The following NBPF20 variants were observed in gnomAD, a reference collection of about 807,000 sequenced individuals.
NBPF20 encodes the protein NBPF family member NBPF20.
NBPF20 carries 90 observed loss-of-function variants against 68.1 expected under a neutral mutation model. The observed-to-expected ratio is 1.32, with a 90% confidence interval of 1.11 to 1.58. The LOEUF (loss-of-function observed/expected upper bound fraction) is 1.58. Among genes scored for constraint, NBPF20 ranks in the 40% most tolerant of loss-of-function variants. NBPF20 has a pLI of 0.00. For missense variants in NBPF20, 816 were observed against 601.2 expected, an observed-to-expected ratio of 1.36 and a Z score of -3.74; for synonymous variants, 290 against 228.1, an observed-to-expected ratio of 1.27 and a Z score of -2.45.
chr1:145,402,884 G>A (rs1662590758), intron 3 of NBPF20, among the ~76,000 whole-genome samples: 1 of 151,200 alleles, frequency 6.6e-6, no homozygotes, highest in African/African-American at 2.4e-5. Flanking sequence ...TTGTCACTAA[G>A]GGTAAGTGGG....
chr1:145,405,012 A>G (rs1662705049), intron 2 of NBPF20, 86 bp downstream of exon 7: 4 of 1,530,610 alleles, frequency 2.6e-6, no homozygotes, highest in Non-Finnish European at 2.7e-6. Flanking sequence ...GAAGGATGAA[A>G]TTATTTTTGA....
exon 138 of NBPF20, chr1:145,291,764 T>C (rs77130214): frequency 9.9e-6 from 16 of 1,611,666 alleles, no homozygotes; most frequent in Admixed American, 3.3e-5. Flanking sequence ...CAGCACGCCG[T>C]TGAGCCTGGA....
chr1:145,405,199 C>A (rs376281416), exon 2 of NBPF20: 60 of 1,457,908 alleles, frequency 4.1e-5, no homozygotes, highest in Non-Finnish European at 5.6e-5. Context: ...CAACTGGGGG[C>A]GCAATTTCTC....
At chr1:145,292,103 G>C (rs183097254) in intron 137 of NBPF20, among the ~76,000 whole-genome samples, 9 of 149,624 alleles carry the variant, frequency 6.0e-5, no homozygotes, top group African/African-American at 2.3e-4. Context: ...TGAAAAGAGT[G>C]AGCTCAATAG....
At chr1:145,414,952 A>T in the NBPF20 span, among the ~76,000 whole-genome samples, 1 of 152,016 alleles carries the variant, frequency 6.6e-6, no homozygotes, top group Non-Finnish European at 1.5e-5. Context: ...AAAGAGACAC[A>T]GAGACAAAGT....
exon 138 of NBPF20, chr1:145,290,041 T>C (rs1310282285): frequency 2.0e-5 from 3 of 149,284 alleles, no homozygotes; most frequent in African/African-American, 7.6e-5. Context: ...AGATTAAAAT[T>C]AACTTTGGAC....
chr1:145,405,192 C>A (rs782530822), exon 2 of NBPF20: 7 of 1,612,818 alleles, frequency 4.3e-6, no homozygotes, highest in East Asian at 4.5e-5. Context: ...TCTCTGCCAA[C>A]TGGGGGCGCA....
chr1:145,405,053 G>A (rs782421103), intron 2 of NBPF20, 45 bp downstream of exon 7: 1 of 1,612,280 alleles, frequency 6.2e-7, no homozygotes, highest in Admixed American at 1.7e-5. Context: ...TCAGAAGACA[G>A]GACATCATTC....
the NBPF20 span, among the ~76,000 whole-genome samples, chr1:145,419,673 A>G: frequency 2.1e-4 from 32 of 151,148 alleles, no homozygotes; most frequent in African/African-American, 7.7e-4. Flanking sequence ...GACCTGGTGG[A>G]CGGCCACGTG....
At chr1:145,410,702 G>GTA in the NBPF20 span, among the ~76,000 whole-genome samples, 1 of 81,134 alleles carries the variant, frequency 1.2e-5, no homozygotes, top group Admixed American at 1.1e-4. Flanking sequence ...ATATATATAT[G>GTA]TGTGTGTGTG....
At chr1:145,394,147 G>A (rs1662095995) in intron 8 of NBPF20, among the ~76,000 whole-genome samples, 2 of 152,158 alleles carry the variant, frequency 1.3e-5, no homozygotes, top group East Asian at 3.9e-4. Flanking sequence ...CCCCTGTGTT[G>A]GAATGTTATC....
upstream of NBPF20, among the ~76,000 whole-genome samples, chr1:145,410,189 T>G (rs1218695380): frequency 6.6e-6 from 1 of 152,010 alleles, no homozygotes; most frequent in Non-Finnish European, 1.5e-5. Flanking sequence ...AGGTGCTATT[T>G]TCAGCCTTTT....
intron 8 of NBPF20, 83 bp from the exon 14 acceptor site, chr1:145,394,018 C>A: frequency 1.3e-6 from 1 of 797,088 alleles, no homozygotes; most frequent in Non-Finnish European, 2.2e-6. Flanking sequence ...AATCCTAACA[C>A]AGGGACATCA....
intron 2 of NBPF20, among the ~76,000 whole-genome samples, chr1:145,403,883 T>A (rs1553666159): frequency 1.3e-5 from 2 of 151,768 alleles, no homozygotes; most frequent in Admixed American, 1.3e-4. Context: ...TGCCCAAATG[T>A]TAATAAAGTT....
At chr1:145,394,284 T>C (rs1382022126) in intron 8 of NBPF20, among the ~76,000 whole-genome samples, 6 of 151,562 alleles carry the variant, frequency 4.0e-5, no homozygotes, top group Non-Finnish European at 7.4e-5. Flanking sequence ...TCTCATCAAA[T>C]ACCCAGAATT....
intron 6 of NBPF20, 52 bp downstream of exon 11, chr1:145,400,337 T>C: frequency 6.2e-7 from 1 of 1,609,914 alleles, no homozygotes; most frequent in Non-Finnish European, 8.5e-7. Context: ...CTTCAGAGTT[T>C]ATCTTCCTCA....
At position 145,398,239 on chromosome 1, in the gene NBPF20, C is replaced by T. The variant is rs1423433653; in HGVS notation, c.827+810G>A. On this transcript the variant is annotated intron_variant, in intron 7 of 137. Coordinates refer to ENST00000369373, the Ensembl canonical transcript of NBPF20. Reference sequence around the variant, plus strand: ...CTCTCCACCAAGCAGACCTAAAAGACATCTACAGAACTCTCCACCCCAAAT... The same window carrying T: ...CTCTCCACCAAGCAGACCTAAAAGATATCTACAGAACTCTCCACCCCAAAT... Among the ~76,000 whole-genome samples the T allele has an allele frequency of 2.0e-4, 30 of 151,872 alleles. No individual in the cohort carries two copies. In the South Asian group the frequency reaches 6.2e-3, roughly 32 times the overall value.
At chr1:145,291,901 A>G (rs1661130353) in intron 137 of NBPF20, 132 bp from the exon 143 acceptor site, 1 of 1,563,326 alleles carries the variant, frequency 6.4e-7, no homozygotes, top group Admixed American at 2.0e-5. Context: ...AGGTAAAAAA[A>G]AAATTTATTG....
At chr1:145,311,824 G>T (rs1192735823) in intron 112 of NBPF20, among the ~76,000 whole-genome samples, 1 of 101,392 alleles carries the variant, frequency 9.9e-6, no homozygotes, top group Middle Eastern at 6.4e-3. Context: ...ATTCAGCCCT[G>T]TCTCATCAAA....
Sources: allele counts gnomAD v4.1 joint callset (sites outside exome capture counted in the v4.1 genomes callset), GRCh38; gene constraint gnomAD v4.1.1; transcripts MANE v1.5; gene names NCBI Gene and HGNC (gene_info 2026-07-23, HGNC 2026-07-21).